PLSCR2: variants seen among roughly 807,000 people sequenced by gnomAD.
PLSCR2 encodes the protein phospholipid scramblase 2.
A neutral mutation model predicts 25.3 loss-of-function variants in PLSCR2; 18 were observed. The observed-to-expected ratio is 0.71, with a 90% CI of 0.49 to 1.06. The LOEUF (loss-of-function observed/expected upper bound fraction) is 1.06. Among genes scored for constraint, PLSCR2 ranks in the 50% least tolerant of loss-of-function variants. PLSCR2 has a pLI of 0.00. For synonymous variants in PLSCR2, 88 were observed against 87.3 expected (o/e 1.01, Z -0.04); for missense variants, 243 against 269.5 (o/e 0.90, Z 0.69).
intron 5 of PLSCR2, among the ~76,000 whole-genome samples, chr3:146,449,606 T>G (rs958434770): frequency 6.6e-6 from 1 of 151,656 alleles, no homozygotes; most frequent in African/African-American, 2.4e-5. Flanking sequence ...TTTAACATTT[T>G]CTACTTTATA....
At position 146,406,156 on chromosome 3, in the gene PLSCR2, G is replaced by A. The variant is rs183909696; in HGVS notation, c.101-10235C>T. Among the ~76,000 whole-genome samples the A allele has an allele frequency of 2.0e-5, 3 of 152,372 alleles. No individual in the cohort carries two copies. The East Asian group carries it at 5.8e-4, about 29-fold the overall frequency. On this transcript the variant is annotated intron_variant and NMD_transcript_variant, in intron 2 of 3. Transcript: ENST00000463633. The stretch of plus-strand genomic sequence containing the variant: ...ACATAATTTAGGATGAGAAGCACAA[G>A]TTATGGAATGAAGATGTGGTTGATC...
At chr3:146,483,467 A>ACATGTG (rs2043215626) in intron 1 of PLSCR2, among the ~76,000 whole-genome samples, 1 of 56,122 alleles carries the variant, frequency 1.8e-5, no homozygotes, top group African/African-American at 8.4e-5. Context: ...ATATATATAT[A>ACATGTG]TATATACATG....
rs183500787 is a variant in PLSCR2 at position 146,402,993 on chromosome 3, T to A, written c.101-7072A>T. Among the ~76,000 whole-genome samples, 5 of 152,324 alleles carry A rather than the reference T, an allele frequency of 3.3e-5. No homozygotes were observed. The East Asian group carries it at 9.6e-4, about 29-fold the overall frequency. On this transcript the variant is annotated intron_variant and NMD_transcript_variant, in intron 2 of 3. Coordinates refer to the PLSCR2 transcript ENST00000463633. ...TCAATTTTTAAGTAGAAATTATGTA[T>A]ACATGGCACAAATTTTTAAAAAGCA...
chr3:146,395,673 G>A (rs1257023285), intron 3 of PLSCR2: 1 of 159,608 alleles, frequency 6.3e-6, no homozygotes, highest in African/African-American at 2.4e-5. Flanking sequence ...AGTTGATTCA[G>A]ATGATTCAAG....
At chr3:146,483,509 A>ATACATGTGTATATATAT (rs1553791539) in intron 1 of PLSCR2, among the ~76,000 whole-genome samples, 1 of 127,068 alleles carries the variant, frequency 7.9e-6, no homozygotes, top group Non-Finnish European at 1.7e-5. Flanking sequence ...ATATATATAT[A>ATACATGTGTATATATAT]ATGTTACTAC....
intron 6 of PLSCR2, among the ~76,000 whole-genome samples, chr3:146,447,344 C>A (rs1424746187): frequency 6.6e-6 from 1 of 152,190 alleles, no homozygotes; most frequent in Non-Finnish European, 1.5e-5. Flanking sequence ...CCCTAATGCC[C>A]ATGGCAAGTA....
chr3:146,414,933 C>T (rs568231488), intron 2 of PLSCR2, among the ~76,000 whole-genome samples: 11 of 152,230 alleles, frequency 7.2e-5, no homozygotes, highest in Non-Finnish European at 1.2e-4. Flanking sequence ...AGTATTTTTT[C>T]CTTTCCCATG....
chr3:146,452,772 T>C (rs1038844489), intron 5 of PLSCR2, among the ~76,000 whole-genome samples: 9 of 152,174 alleles, frequency 5.9e-5, no homozygotes, highest in Admixed American at 1.3e-4. Context: ...ATATCATTCC[T>C]AGAAGGAGAA....
At chr3:146,476,742 C>T (rs2042298137) in intron 1 of PLSCR2, among the ~76,000 whole-genome samples, 2 of 152,246 alleles carry the variant, frequency 1.3e-5, no homozygotes, top group African/African-American at 2.4e-5. Context: ...TGGCAGATCA[C>T]GACCAGACTG....
intron 1 of PLSCR2, among the ~76,000 whole-genome samples, chr3:146,483,016 G>A (rs1289718238): frequency 6.6e-6 from 1 of 151,722 alleles, no homozygotes; most frequent in Non-Finnish European, 1.5e-5. Flanking sequence ...TCTGGCCAGG[G>A]CAATCAGGCA....
intron 1 of PLSCR2, among the ~76,000 whole-genome samples, chr3:146,478,126 G>A (rs910040855): frequency 1.3e-5 from 2 of 152,048 alleles, no homozygotes; most frequent in African/African-American, 4.8e-5. Context: ...AAAGACCAAC[G>A]CAAAGATAGG....
chr3:146,400,368 A>G (rs923445830), intron 2 of PLSCR2, among the ~76,000 whole-genome samples: 1 of 151,534 alleles, frequency 6.6e-6, no homozygotes, highest in Non-Finnish European at 1.5e-5. Flanking sequence ...TAAAGTTTAA[A>G]TAAAAATACT....
intron 6 of PLSCR2, among the ~76,000 whole-genome samples, chr3:146,442,112 T>C (rs186910794): frequency 3.3e-4 from 50 of 152,196 alleles, no homozygotes. Flanking sequence ...AATCATCCTT[T>C]TTCAATCTTT....
At chr3:146,416,123 T>C (rs1278054728) in intron 2 of PLSCR2, among the ~76,000 whole-genome samples, 1 of 151,940 alleles carries the variant, frequency 6.6e-6, no homozygotes, top group Non-Finnish European at 1.5e-5. Context: ...GCTAATTTTT[T>C]GTATTTTTAG....
At chr3:146,483,794 C>T (rs2043245326) in intron 1 of PLSCR2, among the ~76,000 whole-genome samples, 1 of 151,502 alleles carries the variant, frequency 6.6e-6, no homozygotes, top group Non-Finnish European at 1.5e-5. Flanking sequence ...TCAGCAGCCT[C>T]AAAGATCAAA....
intron 2 of PLSCR2, among the ~76,000 whole-genome samples, chr3:146,411,491 G>A (rs2038847070): frequency 6.6e-6 from 1 of 152,172 alleles, no homozygotes; most frequent in Non-Finnish European, 1.5e-5. Context: ...CACTCTTCGG[G>A]GACCTGAAAA....
intron 1 of PLSCR2, among the ~76,000 whole-genome samples, chr3:146,472,634 A>G (rs1400374486): frequency 6.6e-6 from 1 of 152,108 alleles, no homozygotes; most frequent in Non-Finnish European, 1.5e-5. Context: ...TTTAAAAGGT[A>G]TTAATCCCAT....
At chr3:146,472,192 A>T (rs1471990411) in intron 1 of PLSCR2, among the ~76,000 whole-genome samples, 1 of 152,224 alleles carries the variant, frequency 6.6e-6, no homozygotes, top group African/African-American at 2.4e-5. Context: ...GTTCACAGCC[A>T]ATTTTTATAA....
upstream of PLSCR2, chr3:146,463,852 T>C (rs555330724): frequency 2.3e-3 from 2,256 of 978,582 alleles, 1 homozygote; most frequent in Admixed American, 5.6e-3. Context: ...TTCAAAATTA[T>C]TTTTTATGAT....
Sources: allele counts gnomAD v4.1 joint callset (sites outside exome capture counted in the v4.1 genomes callset), GRCh38; gene constraint gnomAD v4.1.1; transcripts MANE v1.5; gene names NCBI Gene and HGNC (gene_info 2026-07-23, HGNC 2026-07-21).